The following RNF216 variants were observed in gnomAD, a reference collection of about 807,000 sequenced individuals.
The protein encoded by RNF216 is E3 ubiquitin-protein ligase RNF216.
A neutral mutation model predicts 110.8 loss-of-function variants in RNF216; 72 were observed. The ratio of observed to expected loss-of-function variants is 0.65; its 90% CI spans 0.54 to 0.79. The LOEUF is 0.79. Ranked by LOEUF, RNF216 falls within the 30% of genes least tolerant of loss-of-function variation. The probability of loss-of-function intolerance (pLI) is 0.00; values close to 1 mark genes in which losing one functional copy is unlikely to be tolerated. For synonymous variants in RNF216, 495 were observed against 407.5 expected, an observed-to-expected ratio of 1.21 and a Z score of -2.59; for missense variants, 1,342 against 1,141.2, an observed-to-expected ratio of 1.18 and a Z score of -2.54.
At chr7:5,734,232 T>G (rs560568138) in intron 5 of RNF216, among the ~76,000 whole-genome samples, 54 of 152,238 alleles carry the variant, frequency 3.5e-4, no homozygotes, top group African/African-American at 1.2e-3. Context: ...GATGGAAAAT[T>G]TCATTGCTAA....
At chr7:5,668,267 C>T (rs852414) in intron 13 of RNF216, among the ~76,000 whole-genome samples, 1 of 150,464 alleles carries the variant, frequency 6.6e-6, no homozygotes, top group East Asian at 1.9e-4. Flanking sequence ...CCGTTGGCCC[C>T]GGCTGGAGTG....
intron 13 of RNF216, among the ~76,000 whole-genome samples, chr7:5,660,943 GTTTTTTTTTT>G (rs1168463360): frequency 1.6e-4 from 14 of 90,148 alleles, no homozygotes; most frequent in Admixed American, 5.8e-4. Flanking sequence ...GAAGCCTTAG[GTTTTTTTTTT>G]TTTTTTTTTT....
chr7:5,745,689 C>G (rs777170690), intron 3 of RNF216, among the ~76,000 whole-genome samples: 2 of 151,882 alleles, frequency 1.3e-5, no homozygotes, highest in East Asian at 1.9e-4. Flanking sequence ...AACTTGAGGT[C>G]AAGAGTTAGA....
At chr7:5,750,008 A>T (rs1795248209) in intron 3 of RNF216, among the ~76,000 whole-genome samples, 1 of 152,218 alleles carries the variant, frequency 6.6e-6, no homozygotes, top group Admixed American at 6.5e-5. Flanking sequence ...TAATAAAAAT[A>T]AAAATATTTG....
Position 5,712,833 on chromosome 7 carries a change from T to A in RNF216, c.1864A>T (p.Thr622Ser). Reference sequence around the variant, plus strand: ...AGCTCACTGGTTGGGAACGAACACGTGCAGCTGCCTTCCATGCAGCTGAGC... The same window carrying A: ...AGCTCACTGGTTGGGAACGAACACGAGCAGCTGCCTTCCATGCAGCTGAGC... ...LELSCMEGSC[T>S]CSFPTSELEK... Residue 622 changes from threonine to serine, a missense_variant, in exon 12 of 17, where the codon ACG (threonine) becomes TCG (serine). Transcript: ENST00000389902. The A allele has an allele frequency of 6.2e-7, 1 of 1,613,820 alleles. No homozygotes were observed. Among genetic ancestry groups the A allele is most frequent in the Non-Finnish European group, 8.5e-7 (1 of 1,179,910 alleles).
intron 3 of RNF216, among the ~76,000 whole-genome samples, chr7:5,752,610 A>G (rs371247645): frequency 6.6e-6 from 1 of 152,372 alleles, no homozygotes; most frequent in African/African-American, 2.4e-5. Context: ...AGCAATGACA[A>G]CAGTGGAATT....
chr7:5,683,480 C>T (rs1004809637), intron 13 of RNF216, among the ~76,000 whole-genome samples: 1 of 152,136 alleles, frequency 6.6e-6, no homozygotes, highest in African/African-American at 2.4e-5. Context: ...TCCCGTATCA[C>T]CCCCATCCTC....
intron 13 of RNF216, among the ~76,000 whole-genome samples, chr7:5,708,390 T>C (rs1170184248): frequency 6.6e-6 from 1 of 152,224 alleles, no homozygotes. Context: ...TTGCTTCACA[T>C]ATTTGGGTGC....
intron 15 of RNF216, among the ~76,000 whole-genome samples, chr7:5,629,691 G>C (rs1264503225): frequency 1.3e-5 from 2 of 151,982 alleles, no homozygotes; most frequent in Non-Finnish European, 2.9e-5. Context: ...GCTAGGTGCA[G>C]TGGCAGGCGT....
intron 14 of RNF216, among the ~76,000 whole-genome samples, chr7:5,651,630 T>C (rs572396115): frequency 1.3e-5 from 2 of 151,554 alleles, no homozygotes; most frequent in Non-Finnish European, 2.9e-5. Context: ...ATTTCAGTAT[T>C]ACTTCGGTCA....
chr7:5,759,803 T>A (rs1296007443), intron 2 of RNF216, among the ~76,000 whole-genome samples: 3 of 152,024 alleles, frequency 2.0e-5, no homozygotes, highest in Admixed American at 6.6e-5. Context: ...AGCTAATTTT[T>A]GTATTTTTTA....
At chr7:5,760,972 G>C (rs1795901639) in intron 2 of RNF216, 31 bp downstream of exon 2, 4 of 1,511,358 alleles carry the variant, frequency 2.6e-6, no homozygotes, top group Middle Eastern at 1.7e-4. Flanking sequence ...AAGCCACAGG[G>C]AAAGGGATGA....
intron 2 of RNF216, 36 bp downstream of exon 2, chr7:5,760,967 A>G (rs751580349): frequency 6.7e-7 from 1 of 1,500,138 alleles, no homozygotes; most frequent in Admixed American, 1.9e-5. Flanking sequence ...AGAAAAAGCC[A>G]CAGGGAAAGG....
At chr7:5,781,305 G>C (rs1797077042) in intron 1 of RNF216, among the ~76,000 whole-genome samples, 1 of 152,078 alleles carries the variant, frequency 6.6e-6, no homozygotes, top group South Asian at 2.1e-4. Flanking sequence ...GGGGCCACCC[G>C]GCCGCTCAGC....
intron 13 of RNF216, among the ~76,000 whole-genome samples, chr7:5,684,197 G>A (rs1790834787): frequency 6.7e-6 from 1 of 148,156 alleles, no homozygotes; most frequent in East Asian, 2.0e-4. Context: ...CCACCTTCCA[G>A]GTTCACGCCA....
chr7:5,723,187 T>C (rs935363775), intron 8 of RNF216, among the ~76,000 whole-genome samples: 3 of 152,196 alleles, frequency 2.0e-5, no homozygotes, highest in African/African-American at 4.8e-5. Flanking sequence ...TTAAAGCACT[T>C]AGAAAAGTGA....
At chr7:5,709,319 C>T (rs948373897) in intron 13 of RNF216, among the ~76,000 whole-genome samples, 11 of 152,168 alleles carry the variant, frequency 7.2e-5, no homozygotes, top group Non-Finnish European at 1.6e-4. Flanking sequence ...AGCTTCCTCC[C>T]AATCACATGG....
chr7:5,760,138 G>C (rs544290016), intron 2 of RNF216, among the ~76,000 whole-genome samples: 1 of 152,230 alleles, frequency 6.6e-6, no homozygotes, highest in East Asian at 1.9e-4. Flanking sequence ...GAATTTAACA[G>C]GAAATTTCAC....
chr7:5,702,220 G>A (rs2128621630), intron 13 of RNF216, among the ~76,000 whole-genome samples: 1 of 152,244 alleles, frequency 6.6e-6, no homozygotes, highest in South Asian at 2.1e-4. Context: ...CCCTGCAGAG[G>A]GAGTGGGAGT....
Sources: gnomAD v4.1 joint callset for allele counts (sites outside exome capture counted in the v4.1 genomes callset) on GRCh38, gnomAD v4.1.1 for gene constraint, MANE v1.5 for transcripts, NCBI Gene and HGNC (gene_info 2026-07-23, HGNC 2026-07-21) for gene names.